NRXN3: variants seen among roughly 807,000 people sequenced by gnomAD.
NRXN3 encodes neurexin 3.
A neutral mutation model predicts 137.6 loss-of-function variants in NRXN3; 32 were observed. The observed-to-expected ratio is 0.23, with a 90% CI of 0.18 to 0.31. NRXN3 has a LOEUF of 0.31. Ranked by LOEUF, NRXN3 falls within the 10% of genes least tolerant of loss-of-function variation. NRXN3 has a pLI of 1.00. For missense variants in NRXN3, 1,574 were observed against 2,062.5 expected, an observed-to-expected ratio of 0.76 and a Z score of 4.59; for synonymous variants, 798 against 784.5, an observed-to-expected ratio of 1.02 and a Z score of -0.29.
At chr14:78,310,260 C>CTT (rs201314931) in intron 4 of NRXN3, among the ~76,000 whole-genome samples, 2,422 of 125,494 alleles carry the variant, frequency 0.019, 88 homozygotes, top group African/African-American at 0.067. Context: ...TTATGAATGG[C>CTT]TTTTTTTTTT....
intron 15 of NRXN3, among the ~76,000 whole-genome samples, chr14:78,995,477 T>A (rs2099528099): frequency 6.6e-6 from 1 of 152,210 alleles, no homozygotes; most frequent in East Asian, 1.9e-4. Context: ...ATATCTATGT[T>A]ACCTTGGACA....
chr14:78,771,508 A>G (rs1027806498), intron 8 of NRXN3, among the ~76,000 whole-genome samples: 1 of 152,226 alleles, frequency 6.6e-6, no homozygotes, highest in Non-Finnish European at 1.5e-5. Flanking sequence ...GGTGCAGAGA[A>G]AGAAGATCTC....
chr14:79,724,132 T>C (rs1239574115), intron 19 of NRXN3, among the ~76,000 whole-genome samples: 1 of 152,172 alleles, frequency 6.6e-6, no homozygotes, highest in Non-Finnish European at 1.5e-5. Flanking sequence ...TCACATGTAC[T>C]CTTTAAAAAA....
At chr14:78,223,470 C>A (rs1213723636) in intron 1 of NRXN3, among the ~76,000 whole-genome samples, 2 of 152,192 alleles carry the variant, frequency 1.3e-5, no homozygotes, top group African/African-American at 2.4e-5. Flanking sequence ...CCTAGATGTG[C>A]TTATATCAAA....
Position 79,762,800 on chromosome 14 carries a change from A to AGG in NRXN3, c.4015-42311_4015-42310dup, listed in dbSNP as rs1434722426. ...TCATTATCACCATTACTTAAGAGAG[A>AGG]GGCAAAGTGATAGTATCATACAAAC... On this transcript the variant is annotated intron_variant, in intron 19 of 20. Transcript: ENST00000335750. 3.3e-5 allele frequency among the ~76,000 whole-genome samples: 5 copies of AGG among 151,796 alleles called. No individual in the cohort carries two copies. The East Asian group carries it at 7.7e-4, about 23-fold the overall frequency.
At chr14:78,374,587 A>G (rs1179645883) in intron 4 of NRXN3, among the ~76,000 whole-genome samples, 1 of 152,068 alleles carries the variant, frequency 6.6e-6, no homozygotes, top group African/African-American at 2.4e-5. Flanking sequence ...TCTGGCCAAC[A>G]TGGTGAAACC....
chr14:79,504,637 TTTTTTATATATATATATGTA>T (rs1377571080), intron 16 of NRXN3, among the ~76,000 whole-genome samples: 9 of 61,534 alleles, frequency 1.5e-4, no homozygotes, highest in African/African-American at 2.1e-4. Flanking sequence ...TAAAATGAAG[TTTTTTATATATATATATGTA>T]TATATATATA....
chr14:78,516,295 T>A (rs1360493227), intron 4 of NRXN3, among the ~76,000 whole-genome samples: 1 of 149,344 alleles, frequency 6.7e-6, no homozygotes, highest in Admixed American at 6.8e-5. Flanking sequence ...ACCCCAGGTC[T>A]ACCCCATACC....
At chr14:78,596,879 ATAAT>A (rs1174762573) in intron 4 of NRXN3, among the ~76,000 whole-genome samples, 3 of 152,216 alleles carry the variant, frequency 2.0e-5, no homozygotes, top group Non-Finnish European at 2.9e-5. Flanking sequence ...TCTAAACAGA[ATAAT>A]TAATTAATGA....
At chr14:78,241,551 T>C (rs2067081119) in intron 1 of NRXN3, among the ~76,000 whole-genome samples, 1 of 150,654 alleles carries the variant, frequency 6.6e-6, no homozygotes, top group South Asian at 2.1e-4. Context: ...ACCCAAGAGG[T>C]GGAGGTTGCA....
chr14:79,150,719 A>G (rs2153031384), intron 15 of NRXN3, among the ~76,000 whole-genome samples: 2 of 152,164 alleles, frequency 1.3e-5, no homozygotes, highest in African/African-American at 4.8e-5. Flanking sequence ...AAAAAAAAAA[A>G]AAGAAAAAGA....
At position 79,800,213 on chromosome 14, in the gene NRXN3, A is replaced by T. The variant is rs971736684; in HGVS notation, c.4015-4899A>T. The stretch of plus-strand genomic sequence containing the variant: ...GGAAAAAATGTGAAGATGACATTGA[A>T]CGCAACTTGATAAACATTCCCAACG... On this transcript the variant is annotated intron_variant, in intron 19 of 20. Transcript: ENST00000335750. 9.2e-5 allele frequency among the ~76,000 whole-genome samples: 14 copies of T among 152,338 alleles called. No homozygotes were observed. The East Asian group carries it at 2.7e-3, about 29-fold the overall frequency.
chr14:79,177,655 G>A (rs1350328000), intron 15 of NRXN3, among the ~76,000 whole-genome samples: 1 of 152,180 alleles, frequency 6.6e-6, no homozygotes, highest in Non-Finnish European at 1.5e-5. Flanking sequence ...AACTCTTACA[G>A]GTGTCTTTCC....
intron 8 of NRXN3, among the ~76,000 whole-genome samples, chr14:78,779,891 C>A (rs761187592): frequency 4.6e-5 from 7 of 152,044 alleles, no homozygotes; most frequent in Non-Finnish European, 7.4e-5. Flanking sequence ...TTTCTAAATT[C>A]TTCTATAAAT....
intron 6 of NRXN3, among the ~76,000 whole-genome samples, chr14:78,659,649 T>C (rs957304779): frequency 2.7e-5 from 4 of 149,686 alleles, no homozygotes; most frequent in African/African-American, 9.9e-5. Flanking sequence ...CACTGCACTC[T>C]AGTCTGGGCA....
At chr14:79,315,004 C>G (rs890891672) in intron 15 of NRXN3, among the ~76,000 whole-genome samples, 1 of 152,160 alleles carries the variant, frequency 6.6e-6, no homozygotes, top group Non-Finnish European at 1.5e-5. Flanking sequence ...ATGGTCTGTC[C>G]AAATCTTCTG....
chr14:78,837,115 T>G (rs1366842947), intron 10 of NRXN3, among the ~76,000 whole-genome samples: 1 of 152,184 alleles, frequency 6.6e-6, no homozygotes, highest in Non-Finnish European at 1.5e-5. Flanking sequence ...ACAGTATGAA[T>G]GAAAAGTGAG....
chr14:78,874,756 T>A (rs1300861427), intron 10 of NRXN3, among the ~76,000 whole-genome samples: 1 of 152,320 alleles, frequency 6.6e-6, no homozygotes, highest in Middle Eastern at 3.4e-3. Flanking sequence ...GTTCTGACAC[T>A]GATTTGGGGT....
intron 16 of NRXN3, among the ~76,000 whole-genome samples, chr14:79,518,086 G>A (rs542334133): frequency 2.0e-5 from 3 of 151,568 alleles, no homozygotes; most frequent in Non-Finnish European, 4.4e-5. Flanking sequence ...TTGCATTTTA[G>A]CAGAGACAGG....
Sources: gnomAD v4.1 joint callset for allele counts (sites outside exome capture counted in the v4.1 genomes callset) on GRCh38, gnomAD v4.1.1 for gene constraint, MANE v1.5 for transcripts, NCBI Gene and HGNC (gene_info 2026-07-23, HGNC 2026-07-21) for gene names.